Variants in GMDS observed in about 807,000 individuals in gnomAD.
GMDS encodes GDP-mannose 4,6-dehydratase, also known as GDP-mannose 4,6 dehydratase.
Under a neutral mutation model 49.9 loss-of-function variants are expected in GMDS, and 20 were observed. The observed-to-expected ratio is 0.40, with a 90% CI of 0.28 to 0.58. The LOEUF is 0.58. Among genes scored for constraint, GMDS ranks in the 20% least tolerant of loss-of-function variants. The pLI, the probability that GMDS is intolerant of heterozygous loss-of-function variation, is 0.42. For synonymous variants in GMDS, 177 were observed against 178.6 expected (o/e 0.99, Z 0.07); for missense variants, 362 against 481.4 (o/e 0.75, Z 2.32).
chr6:1,710,393 C>T (rs1000652143), intron 9 of GMDS, among the ~76,000 whole-genome samples: 4 of 152,234 alleles, frequency 2.6e-5, no homozygotes, highest in African/African-American at 9.6e-5. Flanking sequence ...ATTTTCTTTT[C>T]CACGTCTGCG....
At chr6:2,123,670 C>T (rs1304801629) in intron 2 of GMDS, among the ~76,000 whole-genome samples, 1 of 152,164 alleles carries the variant, frequency 6.6e-6, no homozygotes, top group Non-Finnish European at 1.5e-5. Flanking sequence ...ATTTCTTTCT[C>T]GATTATTACA....
At chr6:1,834,557 G>A (rs1249509859) in intron 7 of GMDS, among the ~76,000 whole-genome samples, 1 of 152,092 alleles carries the variant, frequency 6.6e-6, no homozygotes, top group Non-Finnish European at 1.5e-5. Context: ...TTTGGTTTAA[G>A]CATCAGAAGT....
intron 9 of GMDS, among the ~76,000 whole-genome samples, chr6:1,691,878 G>A (rs549751070): frequency 1.1e-3 from 165 of 152,232 alleles, no homozygotes; most frequent in African/African-American, 2.4e-3. Flanking sequence ...GTTGGGATTT[G>A]TGGTGGTTAA....
chr6:2,096,081 C>T (rs924778967), intron 4 of GMDS, among the ~76,000 whole-genome samples: 3 of 152,138 alleles, frequency 2.0e-5, no homozygotes, highest in Non-Finnish European at 2.9e-5. Flanking sequence ...TAGGAAGAGG[C>T]ATTTGACAGA....
intron 7 of GMDS, among the ~76,000 whole-genome samples, chr6:1,817,029 C>T (rs146157654): frequency 1.1e-3 from 161 of 149,606 alleles, no homozygotes; most frequent in Non-Finnish European, 8.9e-5. Flanking sequence ...AGTAAATTAG[C>T]AGTGTCCATA....
At chr6:2,145,021 T>A (rs528530988) in intron 1 of GMDS, among the ~76,000 whole-genome samples, 1 of 152,342 alleles carries the variant, frequency 6.6e-6, no homozygotes, top group South Asian at 2.1e-4. Flanking sequence ...AGTTGGCTGC[T>A]GTGCCTTGAT....
At chr6:2,163,469 G>T (rs751739091) in intron 1 of GMDS, among the ~76,000 whole-genome samples, 3 of 152,166 alleles carry the variant, frequency 2.0e-5, no homozygotes, top group Non-Finnish European at 4.4e-5. Context: ...ACAACAAACT[G>T]GCTCGTGTGA....
At chr6:2,199,697 TA>T (rs1328790878) in intron 1 of GMDS, among the ~76,000 whole-genome samples, 1 of 152,222 alleles carries the variant, frequency 6.6e-6, no homozygotes, top group East Asian at 1.9e-4. Flanking sequence ...TCTCTATTCC[TA>T]AGATGATTTT....
rs138041884 is a variant in GMDS, at chr6:1,944,797, C to A, written c.644-14567G>T. Among the ~76,000 whole-genome samples the A allele has an allele frequency of 2.1e-4, 32 of 151,994 alleles. No individual in the cohort carries two copies. The East Asian group carries it at 5.6e-3, about 27-fold the overall frequency. Reference sequence around the variant, plus strand: ...CTTCAAAAGACCTTTGATTCAAATTCTTGATCTGATAGAAAATTGGGACAA... The same window carrying A: ...CTTCAAAAGACCTTTGATTCAAATTATTGATCTGATAGAAAATTGGGACAA... On this transcript the variant is annotated intron_variant, in intron 6 of 10. Transcript: ENST00000380815.
intron 7 of GMDS, among the ~76,000 whole-genome samples, chr6:1,825,963 C>T (rs952487286): frequency 3.2e-4 from 49 of 152,072 alleles, no homozygotes; most frequent in African/African-American, 1.0e-3. Context: ...TGGCAGTGAG[C>T]GGAGATCACA....
At chr6:1,666,653 GA>G (rs1764247993) in intron 9 of GMDS, among the ~76,000 whole-genome samples, 1 of 152,214 alleles carries the variant, frequency 6.6e-6, no homozygotes, top group African/African-American at 2.4e-5. Context: ...TCCACAGAAT[GA>G]AAAGGACCCT....
intron 6 of GMDS, among the ~76,000 whole-genome samples, chr6:1,946,868 T>C (rs1196840138): frequency 6.6e-6 from 1 of 152,188 alleles, no homozygotes; most frequent in Non-Finnish European, 1.5e-5. Flanking sequence ...TCTAGGCATG[T>C]TTCACAAGGA....
chr6:2,243,106 G>A (rs990830628), intron 1 of GMDS, among the ~76,000 whole-genome samples: 1 of 152,200 alleles, frequency 6.6e-6, no homozygotes, highest in Non-Finnish European at 1.5e-5. Flanking sequence ...GGCAGATGCC[G>A]GAGGGAAGAA....
chr6:1,958,317 T>C (rs1338022171), intron 6 of GMDS, among the ~76,000 whole-genome samples: 1 of 151,814 alleles, frequency 6.6e-6, no homozygotes, highest in East Asian at 1.9e-4. Flanking sequence ...GGTGGAAAAG[T>C]TGAGGGAGGA....
intron 7 of GMDS, among the ~76,000 whole-genome samples, chr6:1,832,189 G>T (rs773534594): frequency 6.6e-6 from 1 of 150,960 alleles, no homozygotes; most frequent in Non-Finnish European, 1.5e-5. Flanking sequence ...TCAGGAGTTT[G>T]AGACCAGCCT....
intron 1 of GMDS, among the ~76,000 whole-genome samples, chr6:2,141,677 T>G (rs1374148000): frequency 6.6e-6 from 1 of 152,130 alleles, no homozygotes; most frequent in Non-Finnish European, 1.5e-5. Context: ...TCCCCCATTT[T>G]GGGAAGCCAC....
In GMDS at chr6:1,986,808, G is replaced by A. The variant is rs570895952; in HGVS notation, c.346-25842C>T. 2.5e-3 allele frequency among the ~76,000 whole-genome samples: 381 copies of A among 152,248 alleles called. 3 individuals carry two copies. Among genetic ancestry groups the A allele is most frequent in the African/African-American group, 8.9e-3 (370 of 41,540 alleles). On this transcript the variant is annotated intron_variant, in intron 4 of 10. Coordinates refer to ENST00000380815, the MANE Select transcript of GMDS (RefSeq NM_001500.4). Reference sequence around the variant, plus strand: ...TTGGTAAGAGCAATTTCTCTTCCAGGATAATCTCCAGCCCATTATTCAAAA... The same window carrying A: ...TTGGTAAGAGCAATTTCTCTTCCAGAATAATCTCCAGCCCATTATTCAAAA...
intron 4 of GMDS, among the ~76,000 whole-genome samples, chr6:2,010,537 A>G (rs1008165512): frequency 2.0e-5 from 3 of 152,162 alleles, no homozygotes; most frequent in African/African-American, 7.2e-5. Flanking sequence ...CTAGCATTCT[A>G]TATCTATGAA....
chr6:1,629,601 C>T (rs1057355254), intron 9 of GMDS, among the ~76,000 whole-genome samples: 3 of 152,076 alleles, frequency 2.0e-5, no homozygotes, highest in Non-Finnish European at 4.4e-5. Flanking sequence ...TGGAGGCTGC[C>T]GTGTGGCAAT....
Sources: gnomAD v4.1 joint callset for allele counts (sites outside exome capture counted in the v4.1 genomes callset) on GRCh38, gnomAD v4.1.1 for gene constraint, MANE v1.5 for transcripts, NCBI Gene and HGNC (gene_info 2026-07-23, HGNC 2026-07-21) for gene names.